Variants in GRM7 observed in about 807,000 individuals in gnomAD.
The protein encoded by GRM7 is metabotropic glutamate receptor 7.
Under a neutral mutation model 84.5 loss-of-function variants are expected in GRM7, and 35 were observed. The ratio of observed to expected loss-of-function variants is 0.41; its 90% CI spans 0.32 to 0.55. The LOEUF is 0.55. Among genes scored for constraint, GRM7 ranks in the 20% least tolerant of loss-of-function variants. The probability of loss-of-function intolerance (pLI) is 0.19; values close to 1 mark genes in which losing one functional copy is unlikely to be tolerated. For missense variants in GRM7, 1,003 were observed against 1,194.6 expected (o/e 0.84, Z 2.36); for synonymous variants, 487 against 455.1 (o/e 1.07, Z -0.89).
intron 7 of GRM7, among the ~76,000 whole-genome samples, chr3:7,469,711 T>A (rs1486756372): frequency 3.3e-5 from 5 of 152,186 alleles, no homozygotes; most frequent in Non-Finnish European, 7.4e-5. Flanking sequence ...TCTGAAAAGA[T>A]GGCATTTAAC....
intron 8 of GRM7, among the ~76,000 whole-genome samples, chr3:7,639,697 T>A (rs551790152): frequency 3.3e-3 from 502 of 152,312 alleles, no homozygotes; most frequent in Non-Finnish European, 5.7e-3. Flanking sequence ...AATATATGTA[T>A]GCAGTATACA....
intron 7 of GRM7, among the ~76,000 whole-genome samples, chr3:7,480,519 A>C (rs181438247): frequency 8.5e-5 from 13 of 152,226 alleles, no homozygotes; most frequent in African/African-American, 3.1e-4. Context: ...TCGGCCCCAT[A>C]ATATCCACCC....
At chr3:7,677,810 G>A (rs1326235844) in intron 8 of GRM7, among the ~76,000 whole-genome samples, 2 of 152,188 alleles carry the variant, frequency 1.3e-5, no homozygotes, top group Non-Finnish European at 2.9e-5. Flanking sequence ...AAAGACGCAT[G>A]TACTCACAGC....
intron 1 of GRM7, among the ~76,000 whole-genome samples, chr3:6,914,530 G>C (rs1020033768): frequency 6.6e-5 from 10 of 151,888 alleles, no homozygotes; most frequent in African/African-American, 2.2e-4. Flanking sequence ...AGCCTCCTGA[G>C]TAGCTGGGAT....
At chr3:6,994,948 C>T (rs1443244908) in intron 1 of GRM7, among the ~76,000 whole-genome samples, 3 of 152,182 alleles carry the variant, frequency 2.0e-5, no homozygotes, top group African/African-American at 7.2e-5. Flanking sequence ...ACTTTCACAT[C>T]ATAGGTTACA....
chr3:7,609,077 C>T (rs1696727927), intron 8 of GRM7, among the ~76,000 whole-genome samples: 1 of 152,046 alleles, frequency 6.6e-6, no homozygotes, highest in Non-Finnish European at 1.5e-5. Flanking sequence ...GGTCTATGTG[C>T]CTGTTTTTGT....
intron 2 of GRM7, among the ~76,000 whole-genome samples, chr3:7,225,164 C>T (rs1386745903): frequency 1.3e-5 from 2 of 151,852 alleles, no homozygotes; most frequent in East Asian, 3.8e-4. Flanking sequence ...TTTAAAAATT[C>T]ATATCTATTC....
At chr3:7,073,016 A>G (rs1419887717) in intron 1 of GRM7, among the ~76,000 whole-genome samples, 1 of 152,172 alleles carries the variant, frequency 6.6e-6, no homozygotes, top group Non-Finnish European at 1.5e-5. Flanking sequence ...AGTGGACCCT[A>G]TATTAAGTAA....
At position 7,535,720 on chromosome 3, in the gene GRM7, C is replaced by T. The variant is rs969037393; in HGVS notation, c.1516-42702C>T. Among the ~76,000 whole-genome samples the T allele has an allele frequency of 2.6e-5, 4 of 152,216 alleles. No individual in the cohort carries two copies. The East Asian group carries it at 7.7e-4, about 29-fold the overall frequency. On this transcript the variant is annotated intron_variant, in intron 7 of 9. Transcript: ENST00000357716. Reference sequence around the variant, plus strand: ...AACAATTAATATTGCTCTAACCATACAATTGTGCAGAAAACATACCTGGGG... The same window carrying T: ...AACAATTAATATTGCTCTAACCATATAATTGTGCAGAAAACATACCTGGGG...
Position 7,461,674 on chromosome 3 carries a change from C to CCCGGGTTA in GRM7, c.1471_1478dup (p.Leu494ValfsTer4). The stretch of plus-strand genomic sequence containing the variant: ...AGTACCAGACCACAAACACCAGCAA[C>CCCGGGTTA]CCGGGTTACCGTCTGATCGGGCAGT... On this transcript the variant is annotated frameshift_variant, in exon 7 of 10. Coordinates refer to ENST00000357716, the MANE Select transcript of GRM7 (RefSeq NM_000844.4). LOFTEE classifies it high-confidence loss of function. 6.2e-7 allele frequency: 1 copy of CCCGGGTTA among 1,613,902 alleles called. No individual in the cohort carries two copies. Among genetic ancestry groups the CCCGGGTTA allele is most frequent in the Non-Finnish European group, 8.5e-7 (1 of 1,179,818 alleles).
chr3:7,411,657 G>A (rs1695941843), intron 4 of GRM7, among the ~76,000 whole-genome samples: 2 of 152,112 alleles, frequency 1.3e-5, no homozygotes, highest in South Asian at 4.1e-4. Context: ...CATTTGTTAT[G>A]AGATTCATAC....
intron 2 of GRM7, among the ~76,000 whole-genome samples, chr3:7,147,660 A>G (rs1202026142): frequency 6.6e-6 from 1 of 152,140 alleles, no homozygotes; most frequent in Non-Finnish European, 1.5e-5. Flanking sequence ...CCGGATACGG[A>G]TGATGCTAGA....
chr3:7,541,092 T>G (rs2125015293), intron 7 of GRM7, among the ~76,000 whole-genome samples: 1 of 152,166 alleles, frequency 6.6e-6, no homozygotes, highest in East Asian at 1.9e-4. Context: ...CCAGGAAAAG[T>G]CAGGAGTTTG....
At chr3:7,088,059 G>A (rs1187503385) in intron 1 of GRM7, among the ~76,000 whole-genome samples, 3 of 152,176 alleles carry the variant, frequency 2.0e-5, no homozygotes, top group East Asian at 3.9e-4. Flanking sequence ...CATAAAATGA[G>A]AATGACCATC....
At chr3:7,405,677 G>T (rs1695644496) in intron 4 of GRM7, among the ~76,000 whole-genome samples, 1 of 152,112 alleles carries the variant, frequency 6.6e-6, no homozygotes, top group Non-Finnish European at 1.5e-5. Context: ...ATTTGCAAAA[G>T]ACTGAATATT....
chr3:7,485,766 T>A (rs1473274797), intron 7 of GRM7, among the ~76,000 whole-genome samples: 1 of 152,194 alleles, frequency 6.6e-6, no homozygotes, highest in Non-Finnish European at 1.5e-5. Context: ...AGAAAACATT[T>A]ATATTGCTTA....
intron 1 of GRM7, among the ~76,000 whole-genome samples, chr3:6,946,620 G>A (rs551023944): frequency 3.8e-3 from 576 of 152,192 alleles, no homozygotes; most frequent in African/African-American, 0.013. Flanking sequence ...GCTTGATGGG[G>A]ATGGCATTGA....
chr3:7,551,073 A>G (rs78979583), intron 7 of GRM7, among the ~76,000 whole-genome samples: 14,264 of 152,086 alleles, frequency 0.094, 729 homozygotes, highest in South Asian at 0.12. Context: ...TACTCCATCA[A>G]TTTTTCAAAT....
intron 7 of GRM7, among the ~76,000 whole-genome samples, chr3:7,552,313 C>T (rs115714664): frequency 0.012 from 1,820 of 152,284 alleles, 29 homozygotes; most frequent in African/African-American, 0.042. Flanking sequence ...TTGCTTTCAT[C>T]GGCTGGTGTT....
Sources: gnomAD v4.1 joint callset for allele counts (sites outside exome capture counted in the v4.1 genomes callset) on GRCh38, gnomAD v4.1.1 for gene constraint, MANE v1.5 for transcripts, NCBI Gene and HGNC (gene_info 2026-07-23, HGNC 2026-07-21) for gene names.